Variants in CADM2 observed in about 807,000 individuals in gnomAD.
CADM2 encodes the protein immunoglobulin superfamily member 4D.
CADM2 carries 12 observed loss-of-function variants against 49.8 expected under a neutral mutation model. The observed-to-expected ratio is 0.24, with a 90% confidence interval of 0.15 to 0.39. The LOEUF (loss-of-function observed/expected upper bound fraction) is 0.39. Among genes scored for constraint, CADM2 ranks in the 10% least tolerant of loss-of-function variants. The probability of loss-of-function intolerance (pLI) is 1.00; values close to 1 mark genes in which losing one functional copy is unlikely to be tolerated. For synonymous variants in CADM2, 214 were observed against 175.4 expected (o/e 1.22, Z -1.74); for missense variants, 378 against 492.3 (o/e 0.77, Z 2.20).
chr3:85,183,803 A>G (rs1228962503), intron 1 of CADM2, among the ~76,000 whole-genome samples: 1 of 152,142 alleles, frequency 6.6e-6, no homozygotes, highest in Non-Finnish European at 1.5e-5. Flanking sequence ...AGAATAAGGA[A>G]TGGAGTATTT....
intron 1 of CADM2, among the ~76,000 whole-genome samples, chr3:85,631,689 C>T (rs565232030): frequency 1.3e-5 from 2 of 152,124 alleles, no homozygotes; most frequent in Non-Finnish European, 2.9e-5. Flanking sequence ...ACATTTTAAA[C>T]AATAGAAGTC....
At chr3:85,988,716 G>T (rs1192396292) in intron 8 of CADM2, among the ~76,000 whole-genome samples, 1 of 152,146 alleles carries the variant, frequency 6.6e-6, no homozygotes, top group Non-Finnish European at 1.5e-5. Flanking sequence ...TTACGTTTGT[G>T]TCCAGAGAAT....
intron 1 of CADM2, among the ~76,000 whole-genome samples, chr3:85,242,036 A>ATG (rs2042542646): frequency 1.3e-5 from 2 of 150,512 alleles, no homozygotes; most frequent in Admixed American, 1.3e-4. Flanking sequence ...TTCTTATAAG[A>ATG]TTAAGGAAAT....
chr3:85,460,511 T>C (rs988151072), intron 1 of CADM2, among the ~76,000 whole-genome samples: 2 of 152,222 alleles, frequency 1.3e-5, no homozygotes, highest in African/African-American at 4.8e-5. Flanking sequence ...AACCTTAAGT[T>C]TTTGAAGGAG....
intron 1 of CADM2, among the ~76,000 whole-genome samples, chr3:84,962,974 A>G (rs1173122018): frequency 6.6e-6 from 1 of 152,302 alleles, no homozygotes; most frequent in African/African-American, 2.4e-5. Flanking sequence ...CAATGATAAA[A>G]TGAGTTTTTT....
intron 1 of CADM2, among the ~76,000 whole-genome samples, chr3:85,205,149 C>G (rs2041601579): frequency 1.3e-5 from 2 of 151,094 alleles, no homozygotes; most frequent in Admixed American, 1.3e-4. Flanking sequence ...TCCTGAGAAG[C>G]AGGGAATACA....
At chr3:85,505,335 T>C (rs2040301040) in intron 1 of CADM2, among the ~76,000 whole-genome samples, 1 of 152,242 alleles carries the variant, frequency 6.6e-6, no homozygotes. Flanking sequence ...GCTCACAGGA[T>C]CACATTACAC....
chr3:86,063,808 C>A (rs1738980054), intron 8 of CADM2, among the ~76,000 whole-genome samples: 1 of 152,120 alleles, frequency 6.6e-6, no homozygotes. Context: ...TCTTTACTTT[C>A]ACTGTCCGTT....
At chr3:85,045,471 C>CG in intron 1 of CADM2, among the ~76,000 whole-genome samples, 1 of 152,202 alleles carries the variant, frequency 6.6e-6, no homozygotes, top group African/African-American at 2.4e-5. Flanking sequence ...ATGTATAAGA[C>CG]AATCTCTTCT....
At chr3:85,625,383 AAAAAG>A (rs1422187685) in intron 1 of CADM2, among the ~76,000 whole-genome samples, 17 of 152,228 alleles carry the variant, frequency 1.1e-4, no homozygotes, top group African/African-American at 4.1e-4. Flanking sequence ...GAAAAAAGAA[AAAAAG>A]AAAAGTTATC....
chr3:84,977,185 A>G (rs1454195250), intron 1 of CADM2, among the ~76,000 whole-genome samples: 2 of 151,956 alleles, frequency 1.3e-5, no homozygotes, highest in Non-Finnish European at 2.9e-5. Context: ...ATCTCCAATG[A>G]AGAATTGATA....
intron 3 of CADM2, among the ~76,000 whole-genome samples, chr3:85,810,878 A>C (rs1282169309): frequency 6.6e-6 from 1 of 152,276 alleles, no homozygotes; most frequent in East Asian, 1.9e-4. Context: ...ACTTTTGCTG[A>C]AGATGAAGCC....
At position 85,260,443 on chromosome 3, in the gene CADM2, G is replaced by A. The variant is rs751420993; in HGVS notation, c.61+300775G>A. Among the ~76,000 whole-genome samples, 117 of 152,192 alleles carry A rather than the reference G, an allele frequency of 7.7e-4. 4 individuals are homozygous for A. In the Middle Eastern group the frequency reaches 0.031, roughly 40 times the overall value. ...GTGTTTAGGATATTTATTTCATCTA[G>A]AAAAAAGTAGACAGATCCTCAACAT... On this transcript the variant is annotated intron_variant, in intron 1 of 9. Coordinates refer to ENST00000383699, the MANE Select transcript of CADM2 (RefSeq NM_001167675.2).
At chr3:85,626,295 T>C in intron 1 of CADM2, among the ~76,000 whole-genome samples, 1 of 152,144 alleles carries the variant, frequency 6.6e-6, no homozygotes, top group South Asian at 2.1e-4. Flanking sequence ...AGCTTATCTA[T>C]CAACTTGTTC....
At chr3:85,465,487 C>G (rs1034995142) in intron 1 of CADM2, among the ~76,000 whole-genome samples, 4 of 152,040 alleles carry the variant, frequency 2.6e-5, no homozygotes, top group Admixed American at 2.0e-4. Context: ...GACCTTTTCA[C>G]CAACTCCAAA....
At chr3:86,064,434 T>A (rs2107424077) in intron 8 of CADM2, among the ~76,000 whole-genome samples, 1 of 152,334 alleles carries the variant, frequency 6.6e-6, no homozygotes, top group South Asian at 2.1e-4. Flanking sequence ...ATGTGCCACA[T>A]TTTCTTAATC....
At chr3:85,859,222 G>GTTTTTTTTT (rs2075427775) in intron 3 of CADM2, among the ~76,000 whole-genome samples, 1 of 84,354 alleles carries the variant, frequency 1.2e-5, no homozygotes, top group East Asian at 4.5e-4. Context: ...TCTTTTTTTT[G>GTTTTTTTTT]TCTTTTTTTT....
At chr3:85,331,429 A>T (rs1291214466) in intron 1 of CADM2, among the ~76,000 whole-genome samples, 1 of 151,858 alleles carries the variant, frequency 6.6e-6, no homozygotes, top group Non-Finnish European at 1.5e-5. Flanking sequence ...TAGTAATTCT[A>T]AAATGAAAGC....
chr3:85,992,891 A>T (rs1728956985), intron 8 of CADM2: 1 of 152,190 alleles, frequency 6.6e-6, no homozygotes, highest in Non-Finnish European at 1.5e-5. Flanking sequence ...TTGATTGATT[A>T]TTCTTTTCCT....
Sources: allele counts gnomAD v4.1 joint callset (sites outside exome capture counted in the v4.1 genomes callset), GRCh38; gene constraint gnomAD v4.1.1; transcripts MANE v1.5; gene names NCBI Gene and HGNC (gene_info 2026-07-23, HGNC 2026-07-21).